The following TPCN1 variants were observed in gnomAD, a reference collection of about 807,000 sequenced individuals.
TPCN1 encodes the protein two pore segment channel 1.
A neutral mutation model predicts 108.8 loss-of-function variants in TPCN1; 52 were observed. That is an observed-to-expected ratio of 0.48 (90% CI 0.38 to 0.60). TPCN1 has a LOEUF of 0.60. TPCN1 is among the 20% of genes least tolerant of loss of function. TPCN1 has a pLI of 0.00. For missense variants in TPCN1, 806 were observed against 1,072.8 expected (o/e 0.75, Z 3.47); for synonymous variants, 446 against 433.7 (o/e 1.03, Z -0.35).
Position 113,285,928 on chromosome 12 carries a change from G to GCC in TPCN1, c.1495_1496dup (p.Val500LeufsTer16). 1 of 1,614,234 alleles carries GCC rather than the reference G, an allele frequency of 6.2e-7. No individual in the cohort carries two copies. The highest frequency in any genetic ancestry group is 8.5e-7 in the Non-Finnish European group (1 of 1,180,044). Reference sequence around the variant, plus strand: ...CTGTTCCTGAAGGTTGCCGGCCTGGGCCCTGTGGAGTACTTGTCTTCCGGA... The same window carrying GCC: ...CTGTTCCTGAAGGTTGCCGGCCTGGGCCCCCTGTGGAGTACTTGTCTTCCGGA... On this transcript the variant is annotated frameshift_variant, in exon 18 of 28. Transcript: ENST00000335509. LOFTEE classifies it high-confidence loss of function.
At chr12:113,278,148 A>G (rs532415153) in intron 12 of TPCN1, 41 bp from the exon 13 acceptor site, 1 of 1,573,372 alleles carries the variant, frequency 6.4e-7, no homozygotes, top group Non-Finnish European at 8.7e-7. Flanking sequence ...CAGTGGAACT[A>G]TGTTCTGATA....
chr12:113,287,326 C>T, intron 19 of TPCN1: 1 of 547,068 alleles, frequency 1.8e-6, no homozygotes, highest in African/African-American at 1.9e-5. Flanking sequence ...GAAACCCAGC[C>T]CATGACTCAT....
At chr12:113,244,324 A>G (rs1954264594) in intron 2 of TPCN1, 1 of 985,504 alleles carries the variant, frequency 1.0e-6, no homozygotes, top group African/African-American at 1.7e-5. Flanking sequence ...CAGCAATTCA[A>G]CTGGGAGGGC....
chr12:113,235,358 T>C (rs2136456561), intron 2 of TPCN1, among the ~76,000 whole-genome samples: 1 of 152,348 alleles, frequency 6.6e-6, no homozygotes, highest in South Asian at 2.1e-4. Flanking sequence ...TCCGTTCTTA[T>C]CTTCATCCTA....
chr12:113,247,066 G>T (rs1375202377), intron 2 of TPCN1, among the ~76,000 whole-genome samples: 1 of 152,222 alleles, frequency 6.6e-6, no homozygotes, highest in East Asian at 1.9e-4. Flanking sequence ...GTAAACAACT[G>T]TTGGCATTCG....
chr12:113,265,453 T>C (rs945626755), intron 3 of TPCN1, among the ~76,000 whole-genome samples: 1 of 152,122 alleles, frequency 6.6e-6, no homozygotes. Context: ...CTTTACACTC[T>C]GCTGGGCACT....
intron 2 of TPCN1, among the ~76,000 whole-genome samples, chr12:113,235,936 G>A (rs1457250587): frequency 6.6e-6 from 1 of 152,184 alleles, no homozygotes; most frequent in Non-Finnish European, 1.5e-5. Context: ...GAATAGGGGA[G>A]GAAAGGTATA....
At chr12:113,260,578 T>G in intron 3 of TPCN1, 86 bp downstream of exon 3, 1 of 1,485,874 alleles carries the variant, frequency 6.7e-7, no homozygotes, top group Non-Finnish European at 9.0e-7. Flanking sequence ...GCCCAGAAAT[T>G]CAGTTCCAGC....
intron 14 of TPCN1, among the ~76,000 whole-genome samples, 180 bp from the exon 15 acceptor site, chr12:113,279,971 A>G (rs1196560125): frequency 6.6e-6 from 1 of 152,074 alleles, no homozygotes; most frequent in Non-Finnish European, 1.5e-5. Flanking sequence ...AAGCATGGGT[A>G]CCACTCTTTG....
chr12:113,258,306 A>G (rs956941515), intron 2 of TPCN1, among the ~76,000 whole-genome samples: 9 of 152,082 alleles, frequency 5.9e-5, no homozygotes, highest in African/African-American at 2.2e-4. Flanking sequence ...TCTCTACTAA[A>G]AATACAAAAA....
intron 15 of TPCN1, among the ~76,000 whole-genome samples, chr12:113,281,871 T>C (rs1231024062): frequency 6.6e-6 from 1 of 151,468 alleles, no homozygotes; most frequent in African/African-American, 2.4e-5. Context: ...ATAGTTCCTC[T>C]CCATGTGGAC....
chr12:113,260,990 C>T (rs918927615), intron 3 of TPCN1, among the ~76,000 whole-genome samples: 2 of 151,822 alleles, frequency 1.3e-5, no homozygotes, highest in Non-Finnish European at 2.9e-5. Context: ...ATCAGGAGTT[C>T]GAGATCAGCC....
intron 3 of TPCN1, among the ~76,000 whole-genome samples, chr12:113,264,653 T>C (rs1015205573): frequency 6.6e-6 from 1 of 151,186 alleles, no homozygotes; most frequent in African/African-American, 2.4e-5. Flanking sequence ...CACTCCAGCC[T>C]GGGTGACAGA....
chr12:113,223,435 C>CTTTTTTTTTTTTTTTTTTTT (rs1172851714), intron 1 of TPCN1, among the ~76,000 whole-genome samples: 2 of 120,292 alleles, frequency 1.7e-5, no homozygotes, highest in East Asian at 2.5e-4. Flanking sequence ...TCTGCTGAGT[C>CTTTTTTTTTTTTTTTTTTTT]TTTTTTTTTT....
intron 2 of TPCN1, among the ~76,000 whole-genome samples, chr12:113,236,705 T>C (rs976525596): frequency 6.6e-6 from 1 of 151,936 alleles, no homozygotes; most frequent in Admixed American, 6.6e-5. Flanking sequence ...CAGATTGGAT[T>C]TGGGTGTGGT....
At chr12:113,277,195 A>C (rs748093338) in intron 11 of TPCN1, 45 bp from the exon 12 acceptor site, 3 of 1,610,100 alleles carry the variant, frequency 1.9e-6, no homozygotes, top group Admixed American at 1.7e-5. Context: ...GCCCCAAGGG[A>C]AGGGGAGTAG....
intron 7 of TPCN1, among the ~76,000 whole-genome samples, chr12:113,270,823 G>A (rs1172542338): frequency 3.3e-5 from 5 of 152,030 alleles, no homozygotes; most frequent in African/African-American, 4.8e-5. Context: ...TCGGGAGGAC[G>A]TCACACTCAT....
At chr12:113,278,305 G>T in intron 13 of TPCN1, 68 bp downstream of exon 13, 2 of 1,402,774 alleles carry the variant, frequency 1.4e-6, no homozygotes, top group South Asian at 1.2e-5. Flanking sequence ...GTGAGGAGCA[G>T]GGGCACCCCG....
rs1009170640 is a variant in TPCN1 at position 113,276,428 on chromosome 12, G to T, written c.943-491G>T. 2.6e-5 allele frequency among the ~76,000 whole-genome samples: 4 copies of T among 152,164 alleles called. No homozygotes were observed. In the East Asian group the frequency reaches 7.7e-4, roughly 29 times the overall value. Reference sequence around the variant, plus strand: ...CCCTTTTTCCTGGGCCACACGTGAAGCAGTGACTCACAAGGAGAAGTAACA... The same window carrying T: ...CCCTTTTTCCTGGGCCACACGTGAATCAGTGACTCACAAGGAGAAGTAACA... On this transcript the variant is annotated intron_variant, in intron 10 of 27. Coordinates refer to ENST00000335509, the MANE Select transcript of TPCN1 (RefSeq NM_017901.6).
Sources: gnomAD v4.1 joint callset for allele counts (sites outside exome capture counted in the v4.1 genomes callset) on GRCh38, gnomAD v4.1.1 for gene constraint, MANE v1.5 for transcripts, NCBI Gene and HGNC (gene_info 2026-07-23, HGNC 2026-07-21) for gene names.